GSTA3: variants seen among roughly 807,000 people sequenced by gnomAD.
GSTA3 encodes glutathione S-transferase alpha 3.
GSTA3 carries 16 observed loss-of-function variants against 23.1 expected under a neutral mutation model. The observed-to-expected ratio is 0.69, with a 90% CI of 0.47 to 1.05. The LOEUF is 1.05. Among genes scored for constraint, GSTA3 ranks in the 50% least tolerant of loss-of-function variants. The pLI, the probability that GSTA3 is intolerant of heterozygous loss-of-function variation, is 0.00. For missense variants in GSTA3, 319 were observed against 263.6 expected (o/e 1.21, Z -1.46); for synonymous variants, 122 against 91.0 (o/e 1.34, Z -1.94).
intron 1 of GSTA3, 63 bp downstream of exon 1, chr6:52,909,578 T>A (rs1280785255): frequency 6.6e-6 from 1 of 152,236 alleles, no homozygotes; most frequent in Non-Finnish European, 1.5e-5. Flanking sequence ...CACATTTAAA[T>A]TTGTTTTTCT....
intron 3 of GSTA3, 69 bp from the exon 4 acceptor site, chr6:52,902,547 A>G (rs1765727480): frequency 1.4e-6 from 2 of 1,430,150 alleles, no homozygotes; most frequent in Non-Finnish European, 9.6e-7. Context: ...AAGAAAAATG[A>G]TGGTTGAAAT....
intron 1 of GSTA3, 56 bp from the exon 2 acceptor site, chr6:52,905,911 A>T: frequency 2.5e-6 from 2 of 790,506 alleles, no homozygotes; most frequent in Middle Eastern, 2.7e-4. Flanking sequence ...AGAGAAGCAA[A>T]ATGCACGCTA....
At chr6:52,900,712 C>T (rs958351358) in intron 4 of GSTA3, among the ~76,000 whole-genome samples, 14 of 152,154 alleles carry the variant, frequency 9.2e-5, no homozygotes, top group African/African-American at 3.4e-4. Context: ...CAGTACCCAC[C>T]GATGCTGTGC....
Position 52,902,350 on chromosome 6 carries a change from C to T in GSTA3, c.268G>A (p.Ala90Thr), listed in dbSNP as rs1330701115. 1.9e-6 allele frequency: 3 copies of T among 1,613,786 alleles called. No individual in the cohort carries two copies. In the South Asian group the frequency reaches 3.3e-5, roughly 18 times the overall value. Residue 90 changes from alanine (A) to threonine (T), a missense_variant, in exon 4 of 7, where the codon GCC (alanine) becomes ACC (threonine). Transcript: ENST00000211122. The part of the protein sequence containing the change: ...NLYGKDIKER[A>T]LIDMYTEGMA... ...AGAACACAAAATATACCGTACAGGG[C>T]TCTCTCCTTTATGTCTTTCCCGTAG...
chr6:52,902,559 A>C, intron 3 of GSTA3, 81 bp from the exon 4 acceptor site: 1 of 1,365,422 alleles, frequency 7.3e-7, no homozygotes, highest in Non-Finnish European at 1.0e-6. Context: ...GGTTGAAATG[A>C]CTGAGGTTAT....
In GSTA3 at chr6:52,897,817, T is replaced by A; in HGVS notation, c.546+8A>T. 1 of 1,612,392 alleles carries A rather than the reference T, an allele frequency of 6.2e-7. No individual in the cohort carries two copies. Among genetic ancestry groups the A allele is most frequent in the Non-Finnish European group, 8.5e-7 (1 of 1,179,474 alleles). On this transcript the variant is annotated splice_region_variant and intron_variant, in intron 6 of 6. Transcript: ENST00000211122. ...GGCTGTCTCTCTGAGGGCTGTGAAA[T>A]GGGTCACCTTCAGCAGAGGGAAGTT...
intron 1 of GSTA3, among the ~76,000 whole-genome samples, chr6:52,906,416 C>A (rs1473994467): frequency 2.0e-5 from 3 of 152,162 alleles, no homozygotes; most frequent in Non-Finnish European, 2.9e-5. Flanking sequence ...GCAGACGTTA[C>A]CATTTTTAGC....
rs1431694526 is a variant in GSTA3, at chr6:52,896,901, G to A, written c.574C>T (p.Pro192Ser). The part of the protein sequence containing the change: ...KALKTRISNL[P>S]TVKKFLQPGS... ...GGCTGTAGAAACTTCTTCACCGTGG[G>A]CAGGTTGCTGATTCTGGTTTTCAGG... Residue 192 changes from proline to serine, a missense_variant, in exon 7 of 7, where the codon CCC becomes TCC. By Grantham distance (74) the Pro-to-Ser change is moderately conservative. Transcript: ENST00000211122. 4.3e-6 allele frequency: 7 copies of A among 1,613,888 alleles called. No homozygotes were observed. Among genetic ancestry groups the A allele is most frequent in the Non-Finnish European group, 5.9e-6 (7 of 1,179,918 alleles).
At chr6:52,907,378 C>T (rs927629316) in intron 1 of GSTA3, among the ~76,000 whole-genome samples, 1 of 141,008 alleles carries the variant, frequency 7.1e-6, no homozygotes, top group African/African-American at 2.7e-5. Context: ...GTTGGTGGGA[C>T]TGTAAACTAG....
intron 4 of GSTA3, among the ~76,000 whole-genome samples, chr6:52,900,874 C>T (rs1457313563): frequency 6.6e-6 from 1 of 152,152 alleles, no homozygotes; most frequent in Non-Finnish European, 1.5e-5. Context: ...TTACATCTCC[C>T]AGGCCCACTT....
At chr6:52,903,028 T>A (rs1191851343) in intron 3 of GSTA3, among the ~76,000 whole-genome samples, 1 of 152,154 alleles carries the variant, frequency 6.6e-6, no homozygotes, top group Non-Finnish European at 1.5e-5. Context: ...TTCTTGTGTG[T>A]CCTTGGATGG....
intron 5 of GSTA3, 121 bp from the exon 6 acceptor site, chr6:52,898,077 G>A (rs746736675): frequency 1.5e-5 from 17 of 1,118,714 alleles, no homozygotes; most frequent in Non-Finnish European, 2.0e-5. Flanking sequence ...TGGTGTGAAG[G>A]TCCAGGCCTT....
At chr6:52,899,516 T>C (rs1765594056) in intron 5 of GSTA3, among the ~76,000 whole-genome samples, 1 of 152,186 alleles carries the variant, frequency 6.6e-6, no homozygotes, top group African/African-American at 2.4e-5. Context: ...TATTCTCTGG[T>C]TGGGAAATTG....
intron 2 of GSTA3, 145 bp from the exon 3 acceptor site, chr6:52,903,872 T>C (rs556303135): frequency 1.7e-6 from 1 of 601,422 alleles, no homozygotes; most frequent in East Asian, 2.9e-5. Flanking sequence ...AAGCTGGTCA[T>C]GGCCGCTTGG....
chr6:52,898,756 T>C (rs759844259), intron 5 of GSTA3, among the ~76,000 whole-genome samples: 24 of 152,176 alleles, frequency 1.6e-4, no homozygotes, highest in Admixed American at 5.9e-4. Context: ...AAGGTACTTC[T>C]ATATAGAAGG....
intron 1 of GSTA3, among the ~76,000 whole-genome samples, chr6:52,907,247 G>T (rs1233724458): frequency 1.8e-5 from 2 of 113,850 alleles, no homozygotes; most frequent in African/African-American, 8.9e-5. Flanking sequence ...GGCCATCAGA[G>T]AAATGCAAAT....
At chr6:52,909,311 A>T (rs560499299) in intron 1 of GSTA3, among the ~76,000 whole-genome samples, 1 of 152,226 alleles carries the variant, frequency 6.6e-6, no homozygotes, top group Non-Finnish European at 1.5e-5. Flanking sequence ...ACACGAATAC[A>T]TGTTTTTAAT....
chr6:52,897,685 G>A lies in GSTA3; in HGVS notation c.546+140C>T, dbSNP rs1357976211. 5 of 887,610 alleles carry A rather than the reference G, an allele frequency of 5.6e-6. No homozygotes were observed. The East Asian group carries it at 1.2e-4, about 22-fold the overall frequency. The allele number at this position is 887,610 out of a possible 1,614,324, so 55.0% of individuals were successfully genotyped here. A position where few individuals can be genotyped will look rare whatever the true frequency, so the allele number is the denominator to read the frequency against. On this transcript the variant is annotated intron_variant, in intron 6 of 6. Transcript: ENST00000211122. ...TTTCATGCCTCAAAATTGGGGTCTG[G>A]AAGCTCATTTTGGAGACCTGGGGGT...
intron 5 of GSTA3, 133 bp from the exon 6 acceptor site, chr6:52,898,089 G>T (rs2127353231): frequency 2.0e-6 from 2 of 994,174 alleles, no homozygotes; most frequent in Non-Finnish European, 1.6e-6. Context: ...CCAGGCCTTT[G>T]TTTATGTTCC....
Sources: allele counts gnomAD v4.1 joint callset (sites outside exome capture counted in the v4.1 genomes callset), GRCh38; gene constraint gnomAD v4.1.1; transcripts MANE v1.5; gene names NCBI Gene and HGNC (gene_info 2026-07-23, HGNC 2026-07-21).